Variants in P2RX4 observed in about 807,000 individuals in gnomAD.
P2RX4 encodes the protein P2X purinoceptor 4.
A neutral mutation model predicts 48.0 loss-of-function variants in P2RX4; 37 were observed. That is an observed-to-expected ratio of 0.77 (90% CI 0.59 to 1.01). The LOEUF (loss-of-function observed/expected upper bound fraction) is 1.01, where lower values mean the gene tolerates loss of function less well. P2RX4 is among the 50% of genes least tolerant of loss of function. The probability of loss-of-function intolerance (pLI) is 0.00; values close to 1 mark genes in which losing one functional copy is unlikely to be tolerated. For missense variants in P2RX4, 501 were observed against 521.4 expected (o/e 0.96, Z 0.38); for synonymous variants, 200 against 199.7 (o/e 1.00, Z -0.01).
At chr12:121,213,611 C>T (rs1886034719) in intron 1 of P2RX4, 1 of 152,152 alleles carries the variant, frequency 6.6e-6, no homozygotes, top group African/African-American at 2.4e-5. Context: ...GCACTGCAAC[C>T]TCTGCCTCCC....
intron 2 of P2RX4, among the ~76,000 whole-genome samples, chr12:121,219,457 G>A (rs114652975): frequency 0.013 from 1,962 of 152,216 alleles, 47 homozygotes; most frequent in African/African-American, 0.044. Context: ...CCAGCCAGGC[G>A]CAGTGGCTTA....
Position 121,232,912 on chromosome 12 carries a change from C to A in P2RX4, c.1045-85C>A. The stretch of plus-strand genomic sequence containing the variant: ...TTTCCATTCCGGTAAAGATTCCAGG[C>A]TTCTCAGGAAGGGGCACGCAAAGAA... On this transcript the variant is annotated intron_variant, in intron 10 of 11. Coordinates refer to ENST00000337233, the MANE Select transcript of P2RX4 (RefSeq NM_002560.3). The surrounding 1 kb of genome is among the most constrained non-coding windows in gnomAD (Gnocchi z 4.3). 1 of 1,003,484 alleles carries A rather than the reference C, an allele frequency of 1.0e-6. No homozygotes were observed. The highest frequency in any genetic ancestry group is 1.6e-6 in the Non-Finnish European group (1 of 627,038). 62.2% of individuals were successfully genotyped at this position (1,003,484 alleles called of 1,614,324 possible).
intron 1 of P2RX4, chr12:121,216,674 G>C (rs1886243121): frequency 5.6e-6 from 2 of 358,964 alleles, no homozygotes; most frequent in Non-Finnish European, 1.1e-5. Flanking sequence ...TACAAAATTA[G>C]CCAGGCGTGT....
intron 2 of P2RX4, among the ~76,000 whole-genome samples, chr12:121,221,669 A>G (rs959126587): frequency 3.9e-5 from 6 of 152,194 alleles, no homozygotes; most frequent in Admixed American, 6.5e-5. Context: ...CTGGGATTAC[A>G]GGCTTGAGCC....
In P2RX4 at chr12:121,233,854, C is replaced by G. The variant is rs1887536902; in HGVS notation, c.*305C>G. ...CTGTGGCTTTCAGGGCTGGAGCTGG[C>G]TTTGCTCAGAAGCCTCCTGTCTCCA... is the stretch of plus-strand genomic sequence containing the variant. On this transcript the variant is annotated 3_prime_UTR_variant, in exon 12 of 12. Transcript: ENST00000337233. 2 of 495,800 alleles carry G rather than the reference C, an allele frequency of 4.0e-6. No homozygotes were observed. The highest frequency in any genetic ancestry group is 3.6e-6 in the Non-Finnish European group (1 of 277,524). 30.7% of individuals were successfully genotyped at this position (495,800 alleles called of 1,614,324 possible).
Position 121,229,300 on chromosome 12 carries a change from A to G in P2RX4, c.884+201A>G, listed in dbSNP as rs1412201633. ...TGCTCCGGGGCCATCCCGGCCCCCGAGACCCCTCCTTGCCCTTTCCTGCCG... is the reference window on the plus strand; with the variant it reads ...TGCTCCGGGGCCATCCCGGCCCCCGGGACCCCTCCTTGCCCTTTCCTGCCG... On this transcript the variant is annotated intron_variant, in intron 8 of 11. Transcript: ENST00000337233. The surrounding 1 kb of genome is among the most constrained non-coding windows in gnomAD (Gnocchi z 4.6). 6.6e-6 allele frequency among the ~76,000 whole-genome samples: 1 copy of G among 152,138 alleles called. No individual in the cohort carries two copies. Among genetic ancestry groups the G allele is most frequent in the Non-Finnish European group, 1.5e-5 (1 of 68,012 alleles).
chr12:121,212,794 ATATATATATAT>A (rs1565997377), intron 1 of P2RX4: 2 of 50,830 alleles, frequency 3.9e-5, no homozygotes, highest in African/African-American at 1.6e-4. Flanking sequence ...CATCTCAAAT[ATATATATATAT>A]ATATATATAT....
In P2RX4 at chr12:121,228,766, C is replaced by T. The variant is rs758153793; in HGVS notation, c.647C>T (p.Ser216Leu). ...LPNITTTYLKSCIYDAKTDPF... is the reference protein window; with the variant it reads ...LPNITTTYLKLCIYDAKTDPF... ...AACATCACCACTACTTACCTCAAGT[C>T]GTGCATTTATGATGCTAAAACAGAT... The change falls in exon 7 of 12, where the codon TCG becomes TTG. Residue 216 changes from serine to leucine, a missense_variant. Physicochemically the swap from Ser to Leu is moderately radical, Grantham distance 145. Around this residue, in one of 3 missense-constraint regions of P2RX4, gnomAD observed 9 missense variants for 26.6 expected, o/e 0.34. Transcript: ENST00000337233. The T allele has an allele frequency of 2.2e-5, 36 of 1,614,012 alleles. No individual in the cohort carries two copies. The highest frequency in any genetic ancestry group is 2.5e-5 in the Non-Finnish European group (30 of 1,179,944).
chr12:121,223,856 C>T (rs1456625036), intron 5 of P2RX4, among the ~76,000 whole-genome samples: 3 of 152,110 alleles, frequency 2.0e-5, no homozygotes, highest in Non-Finnish European at 2.9e-5. Flanking sequence ...CCCTCCTGGG[C>T]GACAGAGGCC....
intron 1 of P2RX4, chr12:121,212,808 ATATATATATATATATATT>A (rs1565997435): frequency 3.3e-5 from 1 of 30,266 alleles, no homozygotes; most frequent in Non-Finnish European, 6.4e-5. Context: ...ATATATATAT[ATATATATATATATATATT>A]TTTTTTTTTT....
At position 121,222,940 on chromosome 12, in the gene P2RX4, C is replaced by A; in HGVS notation, c.428-7C>A. 6.2e-7 allele frequency: 1 copy of A among 1,605,120 alleles called. No homozygotes were observed. The highest frequency in any genetic ancestry group is 8.5e-7 in the Non-Finnish European group (1 of 1,172,048). ...ATGGGACCCCCCTGCCACCCTTGTG[C>A]TTGTAGGAGTCTCAACAGGCAGGTG... On this transcript the variant is annotated splice_polypyrimidine_tract_variant and splice_region_variant and intron_variant, in intron 4 of 11. Coordinates refer to ENST00000337233, the MANE Select transcript of P2RX4 (RefSeq NM_002560.3).
intron 2 of P2RX4, among the ~76,000 whole-genome samples, chr12:121,221,512 G>T (rs1205233305): frequency 6.6e-6 from 1 of 150,848 alleles, no homozygotes; most frequent in Non-Finnish European, 1.5e-5. Flanking sequence ...TCCTGCCTCA[G>T]CCTCCCAAGT....
At chr12:121,217,523 A>G (rs1886309603) in intron 2 of P2RX4, among the ~76,000 whole-genome samples, 1 of 152,208 alleles carries the variant, frequency 6.6e-6, no homozygotes, top group Admixed American at 6.5e-5. Flanking sequence ...GAAAGATGAG[A>G]AAACAAATGT....
chr12:121,210,277 T>C lies in P2RX4; in HGVS notation c.113T>C (p.Leu38Pro). ...VGLMNRAVQL[L>P]ILAYVIGWVF... ...CTCATGAACCGCGCCGTGCAACTGC[T>C]CATCCTGGCCTACGTCATCGGGTGA... The change falls in exon 1 of 12, where the codon CTC becomes CCC. Residue 38 changes from leucine (L) to proline (P), a missense_variant. Leu to Pro is a moderately conservative substitution (Grantham distance 98, BLOSUM62 -3). Transcript: ENST00000337233. 1 of 1,554,008 alleles carries C rather than the reference T, an allele frequency of 6.4e-7. No individual in the cohort carries two copies. The highest frequency in any genetic ancestry group is 1.2e-5 in the South Asian group (1 of 84,566).
chr12:121,221,593 C>T (rs1271100890), intron 2 of P2RX4, among the ~76,000 whole-genome samples: 1 of 151,678 alleles, frequency 6.6e-6, no homozygotes, highest in Non-Finnish European at 1.5e-5. Context: ...GGGGGTTTCA[C>T]TGTGTTGACC....
intron 2 of P2RX4, among the ~76,000 whole-genome samples, chr12:121,219,354 C>G (rs117316622): frequency 6.6e-6 from 1 of 152,146 alleles, no homozygotes; most frequent in African/African-American, 2.4e-5. Context: ...TCTGAGTTGC[C>G]CTGATCCCCA....
intron 8 of P2RX4, among the ~76,000 whole-genome samples, chr12:121,231,338 T>C (rs1436416723): frequency 6.6e-6 from 1 of 152,170 alleles, no homozygotes; most frequent in Non-Finnish European, 1.5e-5. Flanking sequence ...GCCATACCGT[T>C]CACACATTTG....
chr12:121,219,360 C>T (rs765803414), intron 2 of P2RX4, among the ~76,000 whole-genome samples: 5 of 152,176 alleles, frequency 3.3e-5, no homozygotes, highest in Admixed American at 6.5e-5. Flanking sequence ...TTGCCCTGAT[C>T]CCCAAGATGG....
At chr12:121,214,700 G>C (rs747367533) in intron 1 of P2RX4, 1 of 152,234 alleles carries the variant, frequency 6.6e-6, no homozygotes, top group Non-Finnish European at 1.5e-5. Context: ...AAAAGCCCAT[G>C]GGGGGAAAGC....
Sources: allele counts gnomAD v4.1 joint callset (sites outside exome capture counted in the v4.1 genomes callset), GRCh38; gene constraint gnomAD v4.1.1; regional missense constraint gnomAD v4.1.1; non-coding constraint Gnocchi (gnomAD v3.1); transcripts MANE v1.5; gene names NCBI Gene and HGNC (gene_info 2026-07-23, HGNC 2026-07-21).